The following PCP4 variants were observed in gnomAD, a reference collection of about 807,000 sequenced individuals.
PCP4 encodes the protein Purkinje cell protein 4.
Under a neutral mutation model 10.0 loss-of-function variants are expected in PCP4, and 8 were observed. That is an observed-to-expected ratio of 0.80 (90% CI 0.47 to 1.45). PCP4 has a LOEUF of 1.45. PCP4 is among the 40% of genes most tolerant of loss of function. The pLI is 0.00. For missense variants in PCP4, 54 were observed against 74.4 expected (o/e 0.73, Z 1.01); for synonymous variants, 21 against 23.0 (o/e 0.91, Z 0.24).
At chr21:39,868,659 A>G (rs1425209895) in intron 1 of PCP4, among the ~76,000 whole-genome samples, 1 of 152,142 alleles carries the variant, frequency 6.6e-6, no homozygotes, top group East Asian at 1.9e-4. Context: ...TGCATCTGTC[A>G]CCTTCTTTGA....
chr21:39,879,376 G>T (rs11911113), intron 1 of PCP4, among the ~76,000 whole-genome samples: 16 of 152,148 alleles, frequency 1.1e-4, no homozygotes, highest in Admixed American at 8.5e-4. Context: ...TTTCATCCAG[G>T]TTCCTTCTTT....
intron 1 of PCP4, among the ~76,000 whole-genome samples, chr21:39,877,227 A>T (rs1345669575): frequency 2.0e-5 from 3 of 152,174 alleles, no homozygotes; most frequent in Non-Finnish European, 2.9e-5. Flanking sequence ...AGCCTTGAGT[A>T]AAAAAAGAAC....
chr21:39,905,918 T>C (rs1290643922), intron 2 of PCP4, among the ~76,000 whole-genome samples: 8 of 152,046 alleles, frequency 5.3e-5, no homozygotes, highest in Admixed American at 2.6e-4. Context: ...GGTGTGGTGG[T>C]GGCTGCCTGT....
At chr21:39,905,970 A>G (rs1258053598) in intron 2 of PCP4, among the ~76,000 whole-genome samples, 1 of 152,196 alleles carries the variant, frequency 6.6e-6, no homozygotes, top group East Asian at 1.9e-4. Flanking sequence ...GAATGGCGTG[A>G]ACCCAGGAGG....
At chr21:39,887,128 C>T (rs1019598084) in intron 1 of PCP4, among the ~76,000 whole-genome samples, 9 of 151,946 alleles carry the variant, frequency 5.9e-5, no homozygotes, top group African/African-American at 1.5e-4. Flanking sequence ...AATGATGGTA[C>T]GTTTATAAAT....
intron 2 of PCP4, among the ~76,000 whole-genome samples, chr21:39,927,058 G>T (rs1278026753): frequency 6.6e-6 from 1 of 152,206 alleles, no homozygotes; most frequent in Non-Finnish European, 1.5e-5. Flanking sequence ...GGCTCCATCA[G>T]TCCTACAAGG....
intron 2 of PCP4, among the ~76,000 whole-genome samples, chr21:39,907,626 T>C (rs1050151027): frequency 7.2e-5 from 11 of 152,072 alleles, no homozygotes; most frequent in African/African-American, 2.7e-4. Context: ...TGAAACTCCA[T>C]CTCTACCAAA....
In PCP4 at chr21:39,880,166, A is replaced by G. The variant is rs1022027148; in HGVS notation, c.9+12656A>G. Among the ~76,000 whole-genome samples, 4 of 142,968 alleles carry G rather than the reference A, an allele frequency of 2.8e-5. No individual in the cohort carries two copies. The East Asian group carries it at 5.8e-4, about 21-fold the overall frequency. 93.8% of individuals were successfully genotyped at this position (142,968 alleles called of 152,430 possible). On this transcript the variant is annotated intron_variant, in intron 1 of 2. Transcript: ENST00000328619. The stretch of plus-strand genomic sequence containing the variant: ...TATATCTATATCTATATCTATATCT[A>G]TATCTATATCTATATCTATATCTAT...
At chr21:39,912,508 C>A (rs1446156906) in intron 2 of PCP4, among the ~76,000 whole-genome samples, 2 of 151,896 alleles carry the variant, frequency 1.3e-5, no homozygotes, top group African/African-American at 4.8e-5. Flanking sequence ...GCTTTCCTGC[C>A]AAGGTGCCAC....
At chr21:39,883,578 A>T (rs1398987585) in intron 1 of PCP4, 1 of 152,260 alleles carries the variant, frequency 6.6e-6, no homozygotes, top group East Asian at 1.9e-4. Context: ...CTTCATGAGA[A>T]AAATGACACA....
intron 1 of PCP4, among the ~76,000 whole-genome samples, chr21:39,870,297 T>C (rs1270957503): frequency 6.6e-6 from 1 of 152,186 alleles, no homozygotes; most frequent in Non-Finnish European, 1.5e-5. Context: ...TTTAGGGTAA[T>C]GTGAGAGAGA....
chr21:39,927,320 ATCATCT>A (rs2087627752), intron 2 of PCP4, among the ~76,000 whole-genome samples: 2 of 97,712 alleles, frequency 2.0e-5, no homozygotes, highest in African/African-American at 6.9e-5. Flanking sequence ...CTATCTATCT[ATCATCT>A]ATCTATCTAT....
intron 2 of PCP4, among the ~76,000 whole-genome samples, chr21:39,908,697 AGTG>A (rs573826175): frequency 2.6e-3 from 391 of 152,172 alleles, no homozygotes; most frequent in African/African-American, 9.1e-3. Context: ...GGAGGGTGGG[AGTG>A]CCCGCGGCTC....
At chr21:39,927,217 A>G (rs1269410802) in intron 2 of PCP4, among the ~76,000 whole-genome samples, 1 of 135,574 alleles carries the variant, frequency 7.4e-6, no homozygotes, top group African/African-American at 2.5e-5. Flanking sequence ...ATTCTCATCT[A>G]TCTATTACCT....
intron 1 of PCP4, among the ~76,000 whole-genome samples, chr21:39,874,629 AATAAT>A (rs1355014393): frequency 1.3e-5 from 2 of 151,164 alleles, no homozygotes; most frequent in Admixed American, 1.3e-4. Flanking sequence ...AAGAGGGAGA[AATAAT>A]ATAATTTCTT....
intron 2 of PCP4, among the ~76,000 whole-genome samples, chr21:39,911,985 G>C (rs2299783): frequency 0.85 from 129,176 of 152,234 alleles, 54,980 homozygotes; most frequent in Middle Eastern, 0.89. Flanking sequence ...TTCACAGCTG[G>C]TGAAATATGA....
At chr21:39,874,691 C>T (rs1326368334) in intron 1 of PCP4, among the ~76,000 whole-genome samples, 1 of 142,724 alleles carries the variant, frequency 7.0e-6, no homozygotes, top group Non-Finnish European at 1.5e-5. Context: ...ACAATACAAG[C>T]ATCTGTTCAT....
intron 2 of PCP4, among the ~76,000 whole-genome samples, chr21:39,913,319 G>C (rs1462223472): frequency 1.3e-5 from 2 of 152,202 alleles, no homozygotes; most frequent in African/African-American, 4.8e-5. Flanking sequence ...AGGGGCTGTG[G>C]CTGTGGATTA....
intron 1 of PCP4, among the ~76,000 whole-genome samples, chr21:39,891,637 G>A (rs568827033): frequency 9.8e-5 from 15 of 152,346 alleles, no homozygotes; most frequent in Non-Finnish European, 1.9e-4. Context: ...CAGTGGCCCC[G>A]AACGGCTGGG....
Sources: gnomAD v4.1 joint callset for allele counts (sites outside exome capture counted in the v4.1 genomes callset) on GRCh38, gnomAD v4.1.1 for gene constraint, MANE v1.5 for transcripts, NCBI Gene and HGNC (gene_info 2026-07-23, HGNC 2026-07-21) for gene names.